WASF2: variants seen among roughly 807,000 people sequenced by gnomAD.
WASF2 encodes WASP family member 2.
In WASF2, 14 loss-of-function variants were observed where a neutral mutation model predicts 45.0. That is an observed-to-expected ratio of 0.31 (90% CI 0.21 to 0.49). WASF2 has a LOEUF of 0.49. WASF2 is among the 20% of genes least tolerant of loss of function. The probability of loss-of-function intolerance (pLI) is 0.99; values close to 1 mark genes in which losing one functional copy is unlikely to be tolerated. For missense variants in WASF2, 439 were observed against 636.1 expected, an observed-to-expected ratio of 0.69 and a Z score of 3.33; for synonymous variants, 200 against 236.3, an observed-to-expected ratio of 0.85 and a Z score of 1.41.
intron 7 of WASF2, among the ~76,000 whole-genome samples, chr1:27,411,687 C>A (rs1365891862): frequency 2.0e-5 from 3 of 152,116 alleles, no homozygotes; most frequent in African/African-American, 7.2e-5. Context: ...CATGGTGAAA[C>A]CCTGTCTCTA....
intron 1 of WASF2, among the ~76,000 whole-genome samples, chr1:27,450,580 A>G (rs2017371375): frequency 6.6e-6 from 1 of 151,926 alleles, no homozygotes; most frequent in South Asian, 2.1e-4. Flanking sequence ...AGCTCATCAC[A>G]ACCTCTGCCT....
At chr1:27,439,638 T>C (rs570672122) in intron 1 of WASF2, among the ~76,000 whole-genome samples, 30 of 152,260 alleles carry the variant, frequency 2.0e-4, no homozygotes, top group African/African-American at 7.0e-4. Flanking sequence ...AGTTCAATTA[T>C]GACAATAGAA....
rs2016855861 is a variant in WASF2, at chr1:27,418,439, G to A, written c.266-17C>T. On this transcript the variant is annotated splice_polypyrimidine_tract_variant and intron_variant, in intron 3 of 8. Coordinates refer to ENST00000618852, the MANE Select transcript of WASF2 (RefSeq NM_006990.5). ...GCAGTGACACTGAGAGAAGATGGAAGGCGTTAGAAAATGGACGACAGGCTA... is the reference window on the plus strand; with the variant it reads ...GCAGTGACACTGAGAGAAGATGGAAAGCGTTAGAAAATGGACGACAGGCTA... The A allele has an allele frequency of 6.2e-7, 1 of 1,614,210 alleles. No homozygotes were observed. Among genetic ancestry groups the A allele is most frequent in the Non-Finnish European group, 8.5e-7 (1 of 1,180,024 alleles).
chr1:27,446,236 T>C (rs1034252034), intron 1 of WASF2, among the ~76,000 whole-genome samples: 88 of 152,180 alleles, frequency 5.8e-4, no homozygotes, highest in African/African-American at 2.0e-3. Context: ...AAGAAACTGG[T>C]ATCTCTTTCA....
chr1:27,438,296 A>G (rs2017163982), intron 1 of WASF2, among the ~76,000 whole-genome samples: 1 of 152,220 alleles, frequency 6.6e-6, no homozygotes, highest in Non-Finnish European at 1.5e-5. Flanking sequence ...GTACTGTACT[A>G]GGTTAAACTT....
intron 1 of WASF2, among the ~76,000 whole-genome samples, chr1:27,465,891 A>C (rs1220645801): frequency 2.6e-5 from 4 of 152,234 alleles, no homozygotes; most frequent in Non-Finnish European, 5.9e-5. Context: ...AAAGCAAGGA[A>C]CACTATCAAA....
intron 2 of WASF2, among the ~76,000 whole-genome samples, chr1:27,425,838 CAAAAAAAAA>C (rs57916899): frequency 4.0e-5 from 2 of 50,608 alleles, no homozygotes; most frequent in South Asian, 8.8e-4. Flanking sequence ...GACTCCGTCT[CAAAAAAAAA>C]AAAAAAAAAA....
In WASF2 at chr1:27,407,838, G is replaced by A. The variant is rs1212367967; in HGVS notation, c.*351C>T. 1 of 205,504 alleles carries A rather than the reference G, an allele frequency of 4.9e-6. No individual in the cohort carries two copies. The highest frequency in any genetic ancestry group is 9.8e-6 in the Non-Finnish European group (1 of 102,050). The allele number at this position is 205,504 out of a possible 1,614,324, so 12.7% of individuals were successfully genotyped here. A position where few individuals can be genotyped will look rare whatever the true frequency, so the allele number is the denominator to read the frequency against. ...CTGAGGGCACAGGTTTTAGAAGGCT[G>A]TAGTTGAATATGGCTCCTAAGGGAA... On this transcript the variant is annotated 3_prime_UTR_variant, in exon 9 of 9. Coordinates refer to ENST00000618852, the MANE Select transcript of WASF2 (RefSeq NM_006990.5).
chr1:27,418,247 G>A (rs1484156232), intron 4 of WASF2, 22 bp downstream of exon 4: 1 of 1,603,708 alleles, frequency 6.2e-7, no homozygotes, highest in South Asian at 1.1e-5. Context: ...GTTGAAAAAG[G>A]GAGGAACTAG....
At position 27,405,526 on chromosome 1, in the gene WASF2, T is replaced by C. The variant is rs2016656757; in HGVS notation, c.*2663A>G. ...AATCACTAAACTTTGCATTCTACAT[T>C]ACGTGAGTCCAAAAACAGGATTACC... On this transcript the variant is annotated 3_prime_UTR_variant, in exon 9 of 9. Transcript: ENST00000618852. The C allele has an allele frequency of 6.6e-6, 1 of 151,414 alleles. No individual in the cohort carries two copies. Among genetic ancestry groups the C allele is most frequent in the African/African-American group, 2.4e-5 (1 of 41,126 alleles). 9.4% of individuals were successfully genotyped at this position (151,414 alleles called of 1,614,324 possible). A position where few individuals can be genotyped will look rare whatever the true frequency, so the allele number is the denominator to read the frequency against.
At chr1:27,456,733 CTTT>C (rs568890517) in intron 1 of WASF2, among the ~76,000 whole-genome samples, 3 of 132,162 alleles carry the variant, frequency 2.3e-5, no homozygotes, top group Non-Finnish European at 1.6e-5. Context: ...AAGGTTTTCT[CTTT>C]TTTTTTTTTT....
In WASF2 at chr1:27,412,624, G is replaced by A; in HGVS notation, c.772C>T (p.Pro258Ser). The change falls in exon 7 of 9, where the codon CCT becomes TCT. Residue 258 changes from proline (P) to serine (S), a missense_variant. Around this residue, in one of 5 missense-constraint regions of WASF2, gnomAD observed 286 missense variants for 373.5 expected, o/e 0.77. Transcript: ENST00000618852. Reference protein sequence around the residue: ...PPPQSDSASSPSPSFSEDNLP... With the variant: ...PPPQSDSASSSSPSFSEDNLP... The stretch of plus-strand genomic sequence containing the variant: ...TTGTCCTCGGAGAAGGAAGGAGAAG[G>A]TGAAGAAGCAGAGTCTGACTGTGGT... 2 of 1,614,220 alleles carry A rather than the reference G, an allele frequency of 1.2e-6. No homozygotes were observed. Among genetic ancestry groups the A allele is most frequent in the Non-Finnish European group, 1.7e-6 (2 of 1,180,046 alleles).
chr1:27,455,552 C>T (rs1393125671), intron 1 of WASF2, among the ~76,000 whole-genome samples: 9 of 152,166 alleles, frequency 5.9e-5, no homozygotes, highest in Admixed American at 5.9e-4. Context: ...CTAACTGACA[C>T]GAACATACTT....
At chr1:27,479,118 CTACTAAAAA>C (rs2017811600) in intron 1 of WASF2, among the ~76,000 whole-genome samples, 1 of 151,848 alleles carries the variant, frequency 6.6e-6, no homozygotes. Flanking sequence ...AACCCCGTCT[CTACTAAAAA>C]TACAAAAAAT....
chr1:27,426,171 A>G (rs1355206870), intron 2 of WASF2, among the ~76,000 whole-genome samples: 2 of 152,256 alleles, frequency 1.3e-5, no homozygotes, highest in Non-Finnish European at 2.9e-5. Flanking sequence ...AATAGTTGCG[A>G]TGTGTACTCT....
intron 1 of WASF2, among the ~76,000 whole-genome samples, chr1:27,431,689 A>T (rs1368174587): frequency 3.3e-5 from 5 of 152,256 alleles, no homozygotes. Context: ...ACTAGATTCC[A>T]GATGGCTACA....
rs373796161 is a variant in WASF2 at position 27,459,112 on chromosome 1, G to A, written c.-43-30179C>T. Among the ~76,000 whole-genome samples the A allele has an allele frequency of 8.6e-5, 13 of 151,492 alleles. No individual in the cohort carries two copies. The East Asian group carries it at 1.5e-3, about 18-fold the overall frequency. ...TTGCACTCCACTGGGCAACAAGAGC[G>A]AGACTCCATCTAAAAAAAAAAAAAA... On this transcript the variant is annotated intron_variant, in intron 1 of 8. Coordinates refer to ENST00000618852, the MANE Select transcript of WASF2 (RefSeq NM_006990.5).
chr1:27,429,006 T>TC (rs2017025538), intron 1 of WASF2, 73 bp from the exon 2 acceptor site: 2 of 1,240,838 alleles, frequency 1.6e-6, no homozygotes, highest in Non-Finnish European at 2.2e-6. Context: ...TGAATCTTTT[T>TC]TTTTTTTTTT....
At chr1:27,429,730 T>G (rs2017035685) in intron 1 of WASF2, among the ~76,000 whole-genome samples, 1 of 149,910 alleles carries the variant, frequency 6.7e-6, no homozygotes, top group Non-Finnish European at 1.5e-5. Context: ...GAGCTGAGAT[T>G]GCGCCATTGC....
Sources: allele counts gnomAD v4.1 joint callset (sites outside exome capture counted in the v4.1 genomes callset), GRCh38; gene constraint gnomAD v4.1.1; regional missense constraint gnomAD v4.1.1; transcripts MANE v1.5; gene names NCBI Gene and HGNC (gene_info 2026-07-23, HGNC 2026-07-21).